Variants in BFSP1 observed in about 807,000 individuals in gnomAD.
BFSP1 encodes filensin.
BFSP1 carries 38 observed loss-of-function variants against 43.9 expected under a neutral mutation model. The observed-to-expected ratio is 0.87, with a 90% confidence interval of 0.67 to 1.14. BFSP1 has a LOEUF of 1.14. Among genes scored for constraint, BFSP1 ranks in the 50% most tolerant of loss-of-function variants. The pLI is 0.00. For synonymous variants in BFSP1, 352 were observed against 354.8 expected, an observed-to-expected ratio of 0.99 and a Z score of 0.09; for missense variants, 850 against 875.1, an observed-to-expected ratio of 0.97 and a Z score of 0.36.
chr20:17,559,264 AAGTCCTCT>A (rs752001496), upstream of BFSP1, among the ~76,000 whole-genome samples: 107 of 152,170 alleles, frequency 7.0e-4, no homozygotes, highest in Non-Finnish European at 1.2e-3. Context: ...CAACAAAAAC[AAGTCCTCT>A]AGAGCCCTGT....
chr20:17,562,526 CAAAAAAAAA>C (rs550158623), upstream of BFSP1, among the ~76,000 whole-genome samples: 1 of 48,018 alleles, frequency 2.1e-5, no homozygotes. Flanking sequence ...GACTCTGTCT[CAAAAAAAAA>C]AAAAAAAAAA....
chr20:17,516,368 C>T (rs2034200645), intron 2 of BFSP1, among the ~76,000 whole-genome samples: 2 of 152,136 alleles, frequency 1.3e-5, no homozygotes, highest in Admixed American at 6.5e-5. Flanking sequence ...ATAAAAGGCA[C>T]TTGGTTCCTT....
intron 1 of BFSP1, among the ~76,000 whole-genome samples, chr20:17,526,831 G>GT (rs1173654617): frequency 1.3e-5 from 2 of 152,144 alleles, no homozygotes. Context: ...ATTTTCTGTT[G>GT]TTTTTTGTTT....
intron 1 of BFSP1, among the ~76,000 whole-genome samples, chr20:17,544,337 T>C (rs900512621): frequency 2.6e-5 from 4 of 152,200 alleles, no homozygotes; most frequent in Non-Finnish European, 5.9e-5. Context: ...CAACTCCCAA[T>C]TGTGCAGCAC....
At chr20:17,527,444 AT>A (rs1160804925) in intron 1 of BFSP1, among the ~76,000 whole-genome samples, 1 of 152,116 alleles carries the variant, frequency 6.6e-6, no homozygotes, top group Non-Finnish European at 1.5e-5. Context: ...AAGAGAAGTG[AT>A]TTCCGGGCGC....
At chr20:17,516,991 T>C (rs2034213346) in intron 2 of BFSP1, 1 of 763,102 alleles carries the variant, frequency 1.3e-6, no homozygotes. Context: ...AGCAAGCAAC[T>C]GGAGGATGGA....
intron 1 of BFSP1, among the ~76,000 whole-genome samples, chr20:17,557,958 G>A (rs2035020905): frequency 6.6e-6 from 1 of 152,138 alleles, no homozygotes; most frequent in Non-Finnish European, 1.5e-5. Flanking sequence ...CTCATGAGAA[G>A]TTAAAGTAAT....
At chr20:17,518,521 C>A (rs1358994390) in intron 2 of BFSP1, among the ~76,000 whole-genome samples, 1 of 152,218 alleles carries the variant, frequency 6.6e-6, no homozygotes, top group Non-Finnish European at 1.5e-5. Context: ...TCATGCAAAT[C>A]AAGGCCTTCC....
At chr20:17,511,116 T>A (rs1256056068) in intron 4 of BFSP1, among the ~76,000 whole-genome samples, 1 of 111,418 alleles carries the variant, frequency 9.0e-6, no homozygotes, top group Non-Finnish European at 1.8e-5. Flanking sequence ...TCAGCACCAG[T>A]CTATATATAT....
At chr20:17,536,271 C>T (rs922233536), upstream of BFSP1, among the ~76,000 whole-genome samples, 17 of 152,244 alleles carry the variant, frequency 1.1e-4, no homozygotes, top group Admixed American at 6.5e-4. Context: ...TTGTTTAAGG[C>T]TGGGTGAAGT....
chr20:17,556,792 A>C (rs1188428752), intron 1 of BFSP1, among the ~76,000 whole-genome samples: 1 of 152,174 alleles, frequency 6.6e-6, no homozygotes, highest in Non-Finnish European at 1.5e-5. Context: ...TTATTATATA[A>C]ATATGTGGCA....
At chr20:17,539,269 C>A (rs1005968769) in intron 1 of BFSP1, among the ~76,000 whole-genome samples, 1 of 151,760 alleles carries the variant, frequency 6.6e-6, no homozygotes, top group Admixed American at 6.6e-5. Flanking sequence ...CACTACCATG[C>A]CCAGCTAATT....
At chr20:17,552,703 C>T (rs999155623) in intron 1 of BFSP1, among the ~76,000 whole-genome samples, 5 of 151,970 alleles carry the variant, frequency 3.3e-5, no homozygotes, top group Non-Finnish European at 5.9e-5. Context: ...ACAGAATGTA[C>T]TGATGTGGGA....
At chr20:17,540,157 C>T (rs1246748167) in intron 1 of BFSP1, among the ~76,000 whole-genome samples, 1 of 152,124 alleles carries the variant, frequency 6.6e-6, no homozygotes, top group Non-Finnish European at 1.5e-5. Flanking sequence ...CAAAGAATGA[C>T]CTATTCCAAC....
Position 17,494,463 on chromosome 20 carries a change from T to C in BFSP1, c.1609A>G (p.Ile537Val). 2.5e-6 allele frequency: 4 copies of C among 1,614,238 alleles called. No individual in the cohort carries two copies. The highest frequency in any genetic ancestry group is 1.1e-5 in the South Asian group (1 of 91,088). ...GLQEKEDGQP[I>V]DQQPIDKEIE... Reference sequence around the variant, plus strand: ...TCCTTGTCTATAGGCTGCTGGTCAATTGGTTGTCCATCTTCTTTCTCCTGC... The same window carrying C: ...TCCTTGTCTATAGGCTGCTGGTCAACTGGTTGTCCATCTTCTTTCTCCTGC... The change falls in exon 8 of 8, where the codon ATT becomes GTT. Residue 537 changes from isoleucine (I) to valine (V), a missense_variant. Transcript: ENST00000377873.
In BFSP1 at chr20:17,524,848, CTTG is replaced by C; in HGVS notation, c.435_437del (p.Asn145del). 6.2e-7 allele frequency: 1 copy of C among 1,614,014 alleles called. No homozygotes were observed. The highest frequency in any genetic ancestry group is 1.1e-5 in the South Asian group (1 of 91,082). On this transcript the variant is annotated inframe_deletion and splice_region_variant, in exon 2 of 8. Coordinates refer to ENST00000377873, the MANE Select transcript of BFSP1 (RefSeq NM_001195.5). ...AAACCCAAGGATGTGTTCCGCTCAC[CTTG>C]TTAAGCCGTTCAAGCATTTCTTTTA...
chr20:17,561,670 C>T (rs2122128118), upstream of BFSP1, among the ~76,000 whole-genome samples: 1 of 152,204 alleles, frequency 6.6e-6, no homozygotes, highest in East Asian at 1.9e-4. Flanking sequence ...TTCTGAAAGG[C>T]TCTGTGTTGA....
At chr20:17,553,479 G>A (rs563371854) in intron 1 of BFSP1, among the ~76,000 whole-genome samples, 33 of 152,168 alleles carry the variant, frequency 2.2e-4, no homozygotes, top group Middle Eastern at 3.4e-3. Flanking sequence ...AGTGACATTC[G>A]AAAAATTCAT....
chr20:17,510,891 G>A (rs770336305), intron 4 of BFSP1, among the ~76,000 whole-genome samples: 27 of 152,176 alleles, frequency 1.8e-4, no homozygotes, highest in Non-Finnish European at 3.2e-4. Context: ...CCCTGTAGTA[G>A]CCTACCACAA....
Sources: allele counts gnomAD v4.1 joint callset (sites outside exome capture counted in the v4.1 genomes callset), GRCh38; gene constraint gnomAD v4.1.1; transcripts MANE v1.5; gene names NCBI Gene and HGNC (gene_info 2026-07-23, HGNC 2026-07-21).